The following DOK6 variants were observed in gnomAD, a reference collection of about 807,000 sequenced individuals.
DOK6 encodes docking protein 6, also known as downstream of tyrosine kinase 6.
A neutral mutation model predicts 44.0 loss-of-function variants in DOK6; 22 were observed. The observed-to-expected ratio is 0.50, with a 90% confidence interval of 0.36 to 0.71. The LOEUF (loss-of-function observed/expected upper bound fraction) is 0.71, where lower values mean the gene tolerates loss of function less well. DOK6 is among the 30% of genes least tolerant of loss of function. The pLI, the probability that DOK6 is intolerant of heterozygous loss-of-function variation, is 0.00. For synonymous variants in DOK6, 166 were observed against 145.5 expected, an observed-to-expected ratio of 1.14 and a Z score of -1.01; for missense variants, 340 against 416.4, an observed-to-expected ratio of 0.82 and a Z score of 1.60.
chr18:69,712,618 G>T (rs1986792909), intron 5 of DOK6, among the ~76,000 whole-genome samples: 1 of 152,150 alleles, frequency 6.6e-6, no homozygotes, highest in African/African-American at 2.4e-5. Flanking sequence ...GCTGAGGCAG[G>T]CAGATCACTT....
chr18:69,646,808 G>A (rs1167064774), intron 3 of DOK6, among the ~76,000 whole-genome samples: 1 of 152,120 alleles, frequency 6.6e-6, no homozygotes, highest in Admixed American at 6.6e-5. Flanking sequence ...CCCCAGTCAA[G>A]GAGGATCTGT....
intron 5 of DOK6, 80 bp from the exon 6 acceptor site, chr18:69,738,885 A>C (rs1978704287): frequency 6.4e-7 from 1 of 1,553,782 alleles, no homozygotes; most frequent in Non-Finnish European, 8.7e-7. Context: ...GCACAAGGGC[A>C]AGGGCTTTGT....
intron 1 of DOK6, among the ~76,000 whole-genome samples, chr18:69,563,002 A>C (rs1263496297): frequency 1.3e-5 from 2 of 152,224 alleles, no homozygotes; most frequent in Non-Finnish European, 2.9e-5. Context: ...ATATGAACAG[A>C]CACTTCTCAA....
chr18:69,699,466 TAAG>T (rs1237097151), intron 5 of DOK6, among the ~76,000 whole-genome samples: 1 of 152,102 alleles, frequency 6.6e-6, no homozygotes, highest in Non-Finnish European at 1.5e-5. Flanking sequence ...CTTAAAATTT[TAAG>T]GAGGGAAAAA....
intron 1 of DOK6, among the ~76,000 whole-genome samples, chr18:69,472,690 A>T (rs182413920): frequency 3.9e-4 from 59 of 152,242 alleles, no homozygotes; most frequent in Admixed American, 6.5e-4. Flanking sequence ...ACGCACACAC[A>T]TGCATACATA....
chr18:69,401,222 G>C lies in DOK6; in HGVS notation c.-23G>C. ...GACTCCGGAGAGCGGATCGCGGGGC[G>C]CAGGAGCCCGATCGCGCTGGCCATG... On this transcript the variant is annotated 5_prime_UTR_variant, in exon 1 of 8. Coordinates refer to ENST00000382713, the MANE Select transcript of DOK6 (RefSeq NM_152721.6). The C allele has an allele frequency of 6.5e-7, 1 of 1,547,058 alleles. No homozygotes were observed. Among genetic ancestry groups the C allele is most frequent in the Non-Finnish European group, 8.7e-7 (1 of 1,148,410 alleles).
intron 5 of DOK6, among the ~76,000 whole-genome samples, chr18:69,699,674 G>A (rs1986468054): frequency 6.6e-6 from 1 of 152,106 alleles, no homozygotes; most frequent in Non-Finnish European, 1.5e-5. Context: ...CATTCCGATA[G>A]CCATTGGGAA....
chr18:69,685,709 TA>T (rs927367863), intron 4 of DOK6, among the ~76,000 whole-genome samples: 6 of 152,284 alleles, frequency 3.9e-5, no homozygotes, highest in East Asian at 3.9e-4. Flanking sequence ...ATAATTGGCT[TA>T]AAAAAAATCT....
intron 6 of DOK6, among the ~76,000 whole-genome samples, chr18:69,749,619 G>A (rs893436487): frequency 2.6e-5 from 4 of 152,026 alleles, no homozygotes; most frequent in African/African-American, 9.7e-5. Context: ...TATCTTACAG[G>A]AATTTTATGA....
chr18:69,845,104 C>T lies in DOK6; in HGVS notation c.*3721C>T, dbSNP rs1157692748. On this transcript the variant is annotated 3_prime_UTR_variant, in exon 8 of 8. Transcript: ENST00000382713. ...TATCACAGAAAACTTTGTAAAAAAGCATGGGGACCCTACTCCCTAGATTAT... is the reference window on the plus strand; with the variant it reads ...TATCACAGAAAACTTTGTAAAAAAGTATGGGGACCCTACTCCCTAGATTAT... 6.6e-6 allele frequency: 1 copy of T among 152,144 alleles called. No homozygotes were observed. Among genetic ancestry groups the T allele is most frequent in the East Asian group, 1.9e-4 (1 of 5,200 alleles). 9.4% of individuals were successfully genotyped at this position (152,144 alleles called of 1,614,324 possible).
chr18:69,629,771 TTTTG>T (rs763004073), intron 3 of DOK6, among the ~76,000 whole-genome samples: 86 of 151,774 alleles, frequency 5.7e-4, no homozygotes, highest in Non-Finnish European at 7.9e-4. Flanking sequence ...CCCTATGGGT[TTTTG>T]TTTGTTTGTT....
intron 3 of DOK6, among the ~76,000 whole-genome samples, chr18:69,638,926 T>C (rs1984875567): frequency 6.6e-6 from 1 of 152,234 alleles, no homozygotes; most frequent in Non-Finnish European, 1.5e-5. Context: ...TAACATGATG[T>C]TGTACAGTTG....
At chr18:69,559,367 G>A (rs1251853844) in intron 1 of DOK6, among the ~76,000 whole-genome samples, 2 of 152,038 alleles carry the variant, frequency 1.3e-5, no homozygotes, top group African/African-American at 4.8e-5. Flanking sequence ...ACAGTACAGG[G>A]GAAAGCATTG....
chr18:69,552,511 CA>C (rs1240109669), intron 1 of DOK6, among the ~76,000 whole-genome samples: 1 of 152,038 alleles, frequency 6.6e-6, no homozygotes, highest in Non-Finnish European at 1.5e-5. Context: ...CATAAGTTAC[CA>C]TTAAAATGAT....
At chr18:69,518,801 A>G (rs550177012) in intron 1 of DOK6, among the ~76,000 whole-genome samples, 56 of 152,294 alleles carry the variant, frequency 3.7e-4, no homozygotes, top group Middle Eastern at 6.8e-3. Context: ...AAGGAATCCA[A>G]TAGAAGATAT....
chr18:69,570,443 C>T lies in DOK6; in HGVS notation c.174+5849C>T, dbSNP rs78291255. On this transcript the variant is annotated intron_variant, in intron 2 of 7. Transcript: ENST00000382713. ...TTTTTAAAAAACAAAGAAGTAAAAC[C>T]GCTTCTGGGACTTAAGGGACAATTT... is the stretch of plus-strand genomic sequence containing the variant. Among the ~76,000 whole-genome samples the T allele has an allele frequency of 6.7e-3, 1,020 of 151,872 alleles. 3 individuals carry two copies. The highest frequency in any genetic ancestry group is 0.012 in the South Asian group (60 of 4,806).
chr18:69,622,860 G>A (rs575206434), intron 3 of DOK6, among the ~76,000 whole-genome samples: 172 of 152,152 alleles, frequency 1.1e-3, no homozygotes, highest in African/African-American at 4.0e-3. Flanking sequence ...ACCTGACTAG[G>A]AAGAAAAAAA....
chr18:69,507,904 T>C (rs1981241199), intron 1 of DOK6, among the ~76,000 whole-genome samples: 1 of 152,018 alleles, frequency 6.6e-6, no homozygotes, highest in Admixed American at 6.6e-5. Flanking sequence ...ATGGATGATG[T>C]TGAAGAGGAG....
At chr18:69,556,234 G>GC (rs1982682346) in intron 1 of DOK6, among the ~76,000 whole-genome samples, 2 of 152,048 alleles carry the variant, frequency 1.3e-5, no homozygotes, top group Non-Finnish European at 2.9e-5. Flanking sequence ...CTGATTCCCT[G>GC]CCCTCCACGC....
Sources: allele counts gnomAD v4.1 joint callset (sites outside exome capture counted in the v4.1 genomes callset), GRCh38; gene constraint gnomAD v4.1.1; transcripts MANE v1.5; gene names NCBI Gene and HGNC (gene_info 2026-07-23, HGNC 2026-07-21).